Variants in UBE2W observed in about 807,000 individuals in gnomAD.
The protein encoded by UBE2W is ubiquitin-conjugating enzyme E2 W.
Under a neutral mutation model 27.2 loss-of-function variants are expected in UBE2W, and 18 were observed. That is an observed-to-expected ratio of 0.66 (90% CI 0.46 to 0.98). The LOEUF (loss-of-function observed/expected upper bound fraction) is 0.98, where lower values mean the gene tolerates loss of function less well. Among genes scored for constraint, UBE2W ranks in the 50% least tolerant of loss-of-function variants. The probability of loss-of-function intolerance (pLI) is 0.00; values close to 1 mark genes in which losing one functional copy is unlikely to be tolerated. For missense variants in UBE2W, 90 were observed against 180.2 expected (o/e 0.50, Z 2.87); for synonymous variants, 53 against 57.2 (o/e 0.93, Z 0.33).
downstream of UBE2W, among the ~76,000 whole-genome samples, chr8:73,782,255 T>G (rs1586424114): frequency 6.6e-6 from 1 of 151,252 alleles, no homozygotes; most frequent in Non-Finnish European, 1.5e-5. Context: ...CCAATTGTGT[T>G]TTTTTTTTAA....
intron 1 of UBE2W, among the ~76,000 whole-genome samples, chr8:73,851,956 T>C (rs989290513): frequency 7.6e-5 from 11 of 145,416 alleles, no homozygotes; most frequent in Non-Finnish European, 1.5e-5. Flanking sequence ...TCTCTTTTTT[T>C]TTTTTTTAAA....
At chr8:73,834,392 A>C (rs1464369477) in intron 1 of UBE2W, among the ~76,000 whole-genome samples, 1 of 152,212 alleles carries the variant, frequency 6.6e-6, no homozygotes, top group Admixed American at 6.5e-5. Context: ...TTTTTTAAAA[A>C]CTGGGTCAAA....
chr8:73,781,224 C>G (rs557740303), downstream of UBE2W, among the ~76,000 whole-genome samples: 1 of 148,214 alleles, frequency 6.7e-6, no homozygotes, highest in East Asian at 2.0e-4. Context: ...GAGCCGAGAT[C>G]GCGCCATTGC....
At chr8:73,874,964 G>C (rs1400107476) in intron 1 of UBE2W, among the ~76,000 whole-genome samples, 1 of 152,178 alleles carries the variant, frequency 6.6e-6, no homozygotes, top group Non-Finnish European at 1.5e-5. Context: ...CTTGAGCCCA[G>C]GGAGGTTGAA....
chr8:73,820,157 T>C (rs1246423074), intron 3 of UBE2W, among the ~76,000 whole-genome samples: 3 of 152,118 alleles, frequency 2.0e-5, no homozygotes, highest in East Asian at 1.9e-4. Flanking sequence ...TTTCATCAAA[T>C]AAAATTTTGG....
At chr8:73,796,307 T>C (rs1808418612) in intron 5 of UBE2W, among the ~76,000 whole-genome samples, 1 of 152,122 alleles carries the variant, frequency 6.6e-6, no homozygotes, top group Non-Finnish European at 1.5e-5. Context: ...GTCAAACTAC[T>C]GGGGATAAAT....
chr8:73,862,216 G>A (rs1309975184), intron 1 of UBE2W, among the ~76,000 whole-genome samples: 1 of 152,196 alleles, frequency 6.6e-6, no homozygotes, highest in African/African-American at 2.4e-5. Context: ...GATCATGTGA[G>A]GTCAGGATTT....
intron 4 of UBE2W, among the ~76,000 whole-genome samples, chr8:73,807,010 T>C (rs1047975434): frequency 3.9e-5 from 6 of 152,218 alleles, no homozygotes; most frequent in African/African-American, 7.2e-5. Context: ...AGATATATTA[T>C]GGAAGAGACT....
At chr8:73,823,285 T>C (rs2130896150) in intron 3 of UBE2W, among the ~76,000 whole-genome samples, 1 of 152,336 alleles carries the variant, frequency 6.6e-6, no homozygotes, top group East Asian at 1.9e-4. Flanking sequence ...AAATTCAACA[T>C]AATGTTTAAG....
rs1325511842 is a variant in UBE2W, at chr8:73,787,834, C to G, written c.*6268G>C. ...ACATCGGACTCACGATAACTCTAAG[C>G]AAGTGCCTGGGTCTCCATTTCCATC... On this transcript the variant is annotated 3_prime_UTR_variant, in exon 6 of 6. Transcript: ENST00000602593. 1.0e-6 allele frequency: 1 copy of G among 985,284 alleles called. No individual in the cohort carries two copies. The highest frequency in any genetic ancestry group is 1.2e-6 in the Non-Finnish European group (1 of 829,930). 61.0% of individuals were successfully genotyped at this position (985,284 alleles called of 1,614,324 possible). A position where few individuals can be genotyped will look rare whatever the true frequency, so the allele number is the denominator to read the frequency against.
downstream of UBE2W, among the ~76,000 whole-genome samples, chr8:73,783,197 T>A (rs1403242560): frequency 1.3e-5 from 2 of 152,224 alleles, no homozygotes; most frequent in Non-Finnish European, 2.9e-5. Context: ...ATTGTCTTGT[T>A]TTCATAGTTT....
chr8:73,780,482 A>C (rs1317941989), exon 5 of UBE2W: 1 of 452,684 alleles, frequency 2.2e-6, no homozygotes, highest in African/African-American at 2.0e-5. Context: ...GACATGATTC[A>C]ATCCGTAATA....
At position 73,814,671 on chromosome 8, in the gene UBE2W, A is replaced by AC. The variant is rs571097344; in HGVS notation, c.211-4043dup. 4.9e-3 allele frequency among the ~76,000 whole-genome samples: 747 copies of AC among 152,134 alleles called. 7 individuals carry two copies. The highest frequency in any genetic ancestry group is 2.5e-3 in the Non-Finnish European group (173 of 68,000). On this transcript the variant is annotated intron_variant, in intron 3 of 5. Transcript: ENST00000602593. Reference sequence around the variant, plus strand: ...GTAGCTGGGATTACAGGCGCACACCACCACGCCTGGCTAATTTTTTGTATT... The same window carrying AC: ...GTAGCTGGGATTACAGGCGCACACCACCCACGCCTGGCTAATTTTTTGTATT...
At chr8:73,876,779 A>G (rs1812243766) in intron 1 of UBE2W, among the ~76,000 whole-genome samples, 1 of 152,096 alleles carries the variant, frequency 6.6e-6, no homozygotes, top group Non-Finnish European at 1.5e-5. Context: ...GACCAGCCTG[A>G]CCAACATGAA....
intron 4 of UBE2W, 133 bp downstream of exon 4, chr8:73,810,341 C>T: frequency 1.1e-6 from 1 of 924,104 alleles, no homozygotes; most frequent in Admixed American, 3.3e-5. Flanking sequence ...TATTACTAAA[C>T]ATGAAATTCC....
At chr8:73,810,216 A>T (rs1284721900) in intron 4 of UBE2W, among the ~76,000 whole-genome samples, 5 of 152,240 alleles carry the variant, frequency 3.3e-5, no homozygotes, top group African/African-American at 1.2e-4. Context: ...CAGCTTTAAG[A>T]AAATACCGTA....
intron 5 of UBE2W, among the ~76,000 whole-genome samples, chr8:73,799,526 T>C (rs1808553032): frequency 6.6e-6 from 1 of 152,110 alleles, no homozygotes; most frequent in Non-Finnish European, 1.5e-5. Flanking sequence ...AAATTTCAGA[T>C]TTGTTGTTTT....
Position 73,838,569 on chromosome 8 carries a change from G to A in UBE2W, c.16-8097C>T, listed in dbSNP as rs567484596. Among the ~76,000 whole-genome samples the A allele has an allele frequency of 4.3e-4, 65 of 152,232 alleles. 2 individuals carry two copies. The South Asian group carries it at 0.012, about 28-fold the overall frequency. On this transcript the variant is annotated intron_variant, in intron 1 of 5. Coordinates refer to ENST00000602593, the MANE Select transcript of UBE2W (RefSeq NM_018299.6). ...AGCCTGCACAACAAAGTGAGACCAC[G>A]TCTCTAGGGAAAGAAAAAGAGATGA...
chr8:73,867,785 CA>C (rs1349143575), intron 1 of UBE2W, among the ~76,000 whole-genome samples: 1 of 151,044 alleles, frequency 6.6e-6, no homozygotes, highest in Admixed American at 6.6e-5. Context: ...CCAATATGCA[CA>C]AGAAAAGACA....
Sources: allele counts gnomAD v4.1 joint callset (sites outside exome capture counted in the v4.1 genomes callset), GRCh38; gene constraint gnomAD v4.1.1; transcripts MANE v1.5; gene names NCBI Gene and HGNC (gene_info 2026-07-23, HGNC 2026-07-21).